Variants in TCERG1L observed in about 807,000 individuals in gnomAD.
TCERG1L encodes transcription elongation regulator 1-like protein.
In TCERG1L, 37 loss-of-function variants were observed where a neutral mutation model predicts 56.3. That is an observed-to-expected ratio of 0.66 (90% CI 0.51 to 0.87). The LOEUF (loss-of-function observed/expected upper bound fraction) is 0.87. Among genes scored for constraint, TCERG1L ranks in the 40% least tolerant of loss-of-function variants. TCERG1L has a pLI of 0.00. For missense variants in TCERG1L, 799 were observed against 774.2 expected, an observed-to-expected ratio of 1.03 and a Z score of -0.38; for synonymous variants, 324 against 326.3, an observed-to-expected ratio of 0.99 and a Z score of 0.08.
At chr10:131,206,074 C>T (rs768664586) in intron 4 of TCERG1L, among the ~76,000 whole-genome samples, 1 of 152,250 alleles carries the variant, frequency 6.6e-6, no homozygotes, top group Non-Finnish European at 1.5e-5. Flanking sequence ...ATGGATGCTG[C>T]AGACACGAAG....
intron 4 of TCERG1L, among the ~76,000 whole-genome samples, chr10:131,257,516 G>A (rs1338402314): frequency 1.3e-5 from 2 of 152,222 alleles, no homozygotes; most frequent in Non-Finnish European, 2.9e-5. Flanking sequence ...TCAGGGTAGT[G>A]CCACATTAAC....
chr10:131,282,309 C>A (rs1846468164), intron 3 of TCERG1L, among the ~76,000 whole-genome samples: 1 of 134,604 alleles, frequency 7.4e-6, no homozygotes, highest in Admixed American at 7.1e-5. Context: ...TTCAAAAAAA[C>A]CGTGTTATAG....
In TCERG1L at chr10:131,277,763, G is replaced by A. The variant is rs117386792; in HGVS notation, c.671-17319C>T. On this transcript the variant is annotated intron_variant, in intron 3 of 11. Coordinates refer to ENST00000368642, the MANE Select transcript of TCERG1L (RefSeq NM_174937.4). ...CTCAGCGCAGATCTCAAGGAAGCAG[G>A]GATGAGCCCTGAGGACATCTGGTCA... Among the ~76,000 whole-genome samples, 13 of 152,310 alleles carry A rather than the reference G, an allele frequency of 8.5e-5. No homozygotes were observed. The East Asian group carries it at 1.4e-3, about 16-fold the overall frequency.
chr10:131,123,842 G>A (rs1845538333), intron 8 of TCERG1L, among the ~76,000 whole-genome samples: 1 of 152,156 alleles, frequency 6.6e-6, no homozygotes, highest in African/African-American at 2.4e-5. Flanking sequence ...CCGAGACCCT[G>A]CCCCTGTCTT....
At chr10:131,279,860 C>T (rs759238462) in intron 3 of TCERG1L, among the ~76,000 whole-genome samples, 10 of 152,078 alleles carry the variant, frequency 6.6e-5, no homozygotes, top group Non-Finnish European at 1.3e-4. Flanking sequence ...CTCTGCCTTT[C>T]GCTGCAAAGG....
chr10:131,209,638 A>G (rs185309384), intron 4 of TCERG1L, among the ~76,000 whole-genome samples: 1 of 152,274 alleles, frequency 6.6e-6, no homozygotes. Context: ...CTGAATAACC[A>G]CTTTAATTCT....
intron 6 of TCERG1L, among the ~76,000 whole-genome samples, chr10:131,151,920 C>A (rs777669640): frequency 3.3e-5 from 5 of 152,236 alleles, no homozygotes; most frequent in South Asian, 2.1e-4. Context: ...GGGGCTTGCA[C>A]CTTCAGAAGC....
chr10:131,166,643 T>G (rs928248560), intron 5 of TCERG1L, among the ~76,000 whole-genome samples, 154 bp downstream of exon 5: 2 of 152,184 alleles, frequency 1.3e-5, no homozygotes, highest in African/African-American at 4.8e-5. Context: ...AGGCCCCGCC[T>G]GGCCCCTTCA....
chr10:131,196,550 T>C (rs1255691822), intron 4 of TCERG1L, among the ~76,000 whole-genome samples: 1 of 152,216 alleles, frequency 6.6e-6, no homozygotes, highest in Non-Finnish European at 1.5e-5. Context: ...CACTGCATGT[T>C]CAGTCTCCAC....
chr10:131,299,258 GAA>G (rs1483125577), intron 3 of TCERG1L, among the ~76,000 whole-genome samples: 2 of 152,028 alleles, frequency 1.3e-5, no homozygotes, highest in Non-Finnish European at 2.9e-5. Flanking sequence ...ATTTGGAACT[GAA>G]AACCTGCAAA....
chr10:131,187,757 C>T (rs1304886460), intron 4 of TCERG1L, among the ~76,000 whole-genome samples: 3 of 152,192 alleles, frequency 2.0e-5, no homozygotes, highest in Non-Finnish European at 2.9e-5. Flanking sequence ...GTTTGTTCGC[C>T]TGGAGAGCTT....
chr10:131,112,063 A>T (rs1243077922), intron 9 of TCERG1L, among the ~76,000 whole-genome samples: 1 of 142,498 alleles, frequency 7.0e-6, no homozygotes, highest in Non-Finnish European at 1.6e-5. Flanking sequence ...AAAATTGACC[A>T]AAGGCCTCCG....
chr10:131,266,829 T>A lies in TCERG1L; in HGVS notation c.671-6385A>T, dbSNP rs10829965. 5.5e-4 allele frequency among the ~76,000 whole-genome samples: 84 copies of A among 151,728 alleles called. 1 individual carries two copies. The East Asian group carries it at 0.011, about 20-fold the overall frequency. ...CCCTACATCTGCTGCTCTCTGCAGC[T>A]GATAACTCCTCTCTGCAGCTGGTCA... On this transcript the variant is annotated intron_variant, in intron 3 of 11. Coordinates refer to ENST00000368642, the MANE Select transcript of TCERG1L (RefSeq NM_174937.4).
chr10:131,135,750 G>A (rs1040305747), intron 7 of TCERG1L, among the ~76,000 whole-genome samples: 2 of 152,232 alleles, frequency 1.3e-5, no homozygotes, highest in African/African-American at 4.8e-5. Flanking sequence ...CAATGTATCT[G>A]CCCTGTACCT....
chr10:131,177,676 T>C (rs901213887), intron 4 of TCERG1L, among the ~76,000 whole-genome samples: 1 of 152,166 alleles, frequency 6.6e-6, no homozygotes, highest in Admixed American at 6.5e-5. Flanking sequence ...GACCCCCATC[T>C]GGACAGCCCC....
chr10:131,111,734 C>T (rs1469574249), intron 9 of TCERG1L, among the ~76,000 whole-genome samples: 7 of 142,950 alleles, frequency 4.9e-5, no homozygotes, highest in African/African-American at 1.7e-4. Context: ...TTGGGGCCTG[C>T]GTGGAATTCA....
intron 3 of TCERG1L, among the ~76,000 whole-genome samples, chr10:131,277,269 C>T (rs1033505284): frequency 6.6e-6 from 1 of 152,154 alleles, no homozygotes; most frequent in East Asian, 1.9e-4. Context: ...GGTGGATTGG[C>T]GAGGTTCTGG....
intron 9 of TCERG1L, among the ~76,000 whole-genome samples, chr10:131,109,595 G>A (rs1056802731): frequency 2.0e-5 from 3 of 152,148 alleles, no homozygotes; most frequent in African/African-American, 7.2e-5. Context: ...TCCGAGGACC[G>A]TGTTGCGGGT....
At chr10:131,243,578 GAACA>G (rs975921179) in intron 4 of TCERG1L, among the ~76,000 whole-genome samples, 3 of 152,092 alleles carry the variant, frequency 2.0e-5, no homozygotes, top group Non-Finnish European at 2.9e-5. Flanking sequence ...TCTCAAAAAC[GAACA>G]AACAAATAAT....
Sources: allele counts gnomAD v4.1 joint callset (sites outside exome capture counted in the v4.1 genomes callset), GRCh38; gene constraint gnomAD v4.1.1; transcripts MANE v1.5; gene names NCBI Gene and HGNC (gene_info 2026-07-23, HGNC 2026-07-21).